GNG12: variants seen among roughly 807,000 people sequenced by gnomAD.
The protein encoded by GNG12 is G protein subunit gamma 12.
For synonymous variants in GNG12, 28 were observed against 29.7 expected (o/e 0.94, Z 0.19); for missense variants, 69 against 83.8 (o/e 0.82, Z 0.69).
At position 67,768,393 on chromosome 1, in the gene GNG12, T is replaced by C. The variant is rs115342852; in HGVS notation, c.-27+9065A>G. Among the ~76,000 whole-genome samples, 1,370 of 152,310 alleles carry C rather than the reference T, an allele frequency of 9.0e-3. 30 individuals carry two copies. Among genetic ancestry groups the C allele is most frequent in the African/African-American group, 0.031 (1,304 of 41,562 alleles). ...TTGATACTATAAAGAACTAGTGAGT[T>C]TCACAAGATAGTTATTTTTTAAAAG... On this transcript the variant is annotated intron_variant, in intron 2 of 3. Coordinates refer to ENST00000370982, the MANE Select transcript of GNG12 (RefSeq NM_018841.6).
chr1:67,751,160 C>T (rs1390784269), intron 2 of GNG12, among the ~76,000 whole-genome samples: 2 of 149,984 alleles, frequency 1.3e-5, no homozygotes, highest in Admixed American at 6.6e-5. Flanking sequence ...ACCAGGACTG[C>T]CCATTTACAT....
chr1:67,788,418 G>A (rs1042429905), intron 1 of GNG12, among the ~76,000 whole-genome samples: 1 of 152,054 alleles, frequency 6.6e-6, no homozygotes, highest in Non-Finnish European at 1.5e-5. Flanking sequence ...GTTCCCTGCA[G>A]CCCCTACCTC....
intron 1 of GNG12, among the ~76,000 whole-genome samples, chr1:67,799,977 G>C (rs770794394): frequency 2.0e-5 from 3 of 152,140 alleles, no homozygotes; most frequent in Non-Finnish European, 2.9e-5. Flanking sequence ...CACAGATACA[G>C]ATGAAAAGTC....
intron 1 of GNG12, among the ~76,000 whole-genome samples, chr1:67,829,298 T>C (rs1312540477): frequency 1.3e-5 from 2 of 152,228 alleles, no homozygotes; most frequent in African/African-American, 4.8e-5. Context: ...TTTTAAAGTC[T>C]CTAATAAAAA....
intron 1 of GNG12, among the ~76,000 whole-genome samples, chr1:67,832,072 C>G (rs1017342249): frequency 6.6e-6 from 1 of 152,220 alleles, no homozygotes. Flanking sequence ...ACAGCCTATT[C>G]AGGCGAAGCT....
chr1:67,710,125 G>T (rs1350003471), intron 2 of GNG12, among the ~76,000 whole-genome samples: 7 of 10,074 alleles, frequency 6.9e-4, no homozygotes, highest in Non-Finnish European at 8.4e-4. Flanking sequence ...TATATATATA[G>T]TTATATATAT....
intron 2 of GNG12, among the ~76,000 whole-genome samples, chr1:67,769,430 T>G (rs1404501299): frequency 2.0e-5 from 3 of 152,028 alleles, no homozygotes; most frequent in African/African-American, 7.2e-5. Flanking sequence ...TGAGGGTGGG[T>G]CTTTGGAGGG....
chr1:67,729,386 C>A lies in GNG12; in HGVS notation c.-26-21674G>T, dbSNP rs368554127. 1.1e-4 allele frequency among the ~76,000 whole-genome samples: 16 copies of A among 152,202 alleles called. No individual in the cohort carries two copies. In the East Asian group the frequency reaches 1.7e-3, roughly 16 times the overall value. On this transcript the variant is annotated intron_variant, in intron 2 of 3. Coordinates refer to ENST00000370982, the MANE Select transcript of GNG12 (RefSeq NM_018841.6). ...CAGGAGGCCAGTTCTTTGGACTCAGCTTCTCTCTCTTTCTGCTAATAAAAT... is the reference window on the plus strand; with the variant it reads ...CAGGAGGCCAGTTCTTTGGACTCAGATTCTCTCTCTTTCTGCTAATAAAAT...
At chr1:67,798,063 T>C (rs1646842581) in intron 1 of GNG12, among the ~76,000 whole-genome samples, 1 of 152,074 alleles carries the variant, frequency 6.6e-6, no homozygotes, top group East Asian at 1.9e-4. Flanking sequence ...TCCTTTCACT[T>C]TCTGCCTCAG....
intron 2 of GNG12, among the ~76,000 whole-genome samples, chr1:67,719,247 TG>T (rs1427117010): frequency 4.6e-5 from 7 of 152,214 alleles, no homozygotes; most frequent in Non-Finnish European, 1.0e-4. Flanking sequence ...ATTCTCCTTT[TG>T]TAGGCCCTAG....
chr1:67,705,316 A>G lies in GNG12; in HGVS notation c.*135T>C, dbSNP rs1046790622. 16 of 1,360,632 alleles carry G rather than the reference A, an allele frequency of 1.2e-5. No homozygotes were observed. Among genetic ancestry groups the G allele is most frequent in the African/African-American group, 1.5e-5 (1 of 68,494 alleles). The allele number at this position is 1,360,632 out of a possible 1,614,324, so 84.3% of individuals were successfully genotyped here. ...GGACAACTTGGAAAATAGAGACTTCAGAGTCCATTATTCCAAGCTGAGAAC... is the reference window on the plus strand; with the variant it reads ...GGACAACTTGGAAAATAGAGACTTCGGAGTCCATTATTCCAAGCTGAGAAC... On this transcript the variant is annotated 3_prime_UTR_variant, in exon 4 of 4. Transcript: ENST00000370982.
intron 1 of GNG12, among the ~76,000 whole-genome samples, chr1:67,811,599 G>C (rs1345783891): frequency 6.6e-6 from 1 of 152,076 alleles, no homozygotes; most frequent in Non-Finnish European, 1.5e-5. Flanking sequence ...GTGACATCTG[G>C]CTCTCTTTGC....
chr1:67,766,141 CA>C (rs1557610114), intron 2 of GNG12, among the ~76,000 whole-genome samples: 46 of 130,014 alleles, frequency 3.5e-4, no homozygotes, highest in African/African-American at 1.2e-3. Flanking sequence ...CACACACACA[CA>C]CACACACCCC....
At chr1:67,791,405 G>A (rs1646801417) in intron 1 of GNG12, among the ~76,000 whole-genome samples, 1 of 151,922 alleles carries the variant, frequency 6.6e-6, no homozygotes. Flanking sequence ...AGACTTACTT[G>A]TCTGACTGAT....
intron 2 of GNG12, among the ~76,000 whole-genome samples, chr1:67,715,199 G>A (rs1311642331): frequency 6.6e-6 from 1 of 152,172 alleles, no homozygotes; most frequent in African/African-American, 2.4e-5. Flanking sequence ...TTACAGGCGT[G>A]AGCCACTGTG....
intron 1 of GNG12, among the ~76,000 whole-genome samples, chr1:67,817,019 T>A (rs1228357287): frequency 6.6e-6 from 1 of 152,232 alleles, no homozygotes; most frequent in African/African-American, 2.4e-5. Flanking sequence ...TCTCTAGACA[T>A]TAATTGAATC....
intron 2 of GNG12, among the ~76,000 whole-genome samples, chr1:67,717,383 G>A (rs755885464): frequency 1.3e-5 from 2 of 152,076 alleles, no homozygotes; most frequent in African/African-American, 2.4e-5. Context: ...GGGCGTGGTG[G>A]TGCATGCCTA....
chr1:67,779,493 C>T (rs532084228), intron 1 of GNG12, among the ~76,000 whole-genome samples: 10 of 150,516 alleles, frequency 6.6e-5, no homozygotes, highest in African/African-American at 2.2e-4. Flanking sequence ...CTCCCTCAGG[C>T]GCCTCACTGA....
intron 1 of GNG12, among the ~76,000 whole-genome samples, chr1:67,817,979 G>A (rs759762750): frequency 2.6e-5 from 4 of 151,706 alleles, no homozygotes; most frequent in Non-Finnish European, 5.9e-5. Flanking sequence ...TAGCGATAGG[G>A]TTTCACTAGG....
Sources: allele counts gnomAD v4.1 joint callset (sites outside exome capture counted in the v4.1 genomes callset), GRCh38; gene constraint gnomAD v4.1.1; transcripts MANE v1.5; gene names NCBI Gene and HGNC (gene_info 2026-07-23, HGNC 2026-07-21).